The following GALNT16 variants were observed in gnomAD, a reference collection of about 807,000 sequenced individuals.
The protein encoded by GALNT16 is UDP-GalNAc:polypeptide N-acetylgalactosaminyltransferase-like protein 1.
A neutral mutation model predicts 76.1 loss-of-function variants in GALNT16; 40 were observed. The ratio of observed to expected loss-of-function variants is 0.53; its 90% CI spans 0.41 to 0.68. The LOEUF is 0.68. GALNT16 is among the 30% of genes least tolerant of loss of function. The pLI, the probability that GALNT16 is intolerant of heterozygous loss-of-function variation, is 0.00. For synonymous variants in GALNT16, 276 were observed against 285.2 expected (o/e 0.97, Z 0.32); for missense variants, 621 against 731.9 (o/e 0.85, Z 1.75).
intron 1 of GALNT16, among the ~76,000 whole-genome samples, chr14:69,288,692 C>T (rs1015270324): frequency 1.3e-5 from 2 of 152,172 alleles, no homozygotes; most frequent in African/African-American, 2.4e-5. Context: ...ATCAGAACTT[C>T]CAGTCGGTTT....
chr14:69,263,255 A>C (rs527705535), intron 1 of GALNT16, among the ~76,000 whole-genome samples: 3 of 152,268 alleles, frequency 2.0e-5, no homozygotes, highest in South Asian at 2.1e-4. Flanking sequence ...TCTCCTTAAT[A>C]TTTTATTATC....
chr14:69,326,766 A>G (rs933293467), intron 5 of GALNT16, among the ~76,000 whole-genome samples: 1 of 152,212 alleles, frequency 6.6e-6, no homozygotes, highest in African/African-American at 2.4e-5. Context: ...CCGGTTTGCT[A>G]CTTTCAGTCC....
intron 1 of GALNT16, among the ~76,000 whole-genome samples, chr14:69,271,097 G>C (rs981120207): frequency 6.6e-6 from 1 of 151,886 alleles, no homozygotes; most frequent in Non-Finnish European, 1.5e-5. Flanking sequence ...GCCTTGCGGG[G>C]GCATGAACAT....
chr14:69,384,832 T>C, the GALNT16 span, among the ~76,000 whole-genome samples: 1 of 152,186 alleles, frequency 6.6e-6, no homozygotes, highest in Non-Finnish European at 1.5e-5. Flanking sequence ...ATATACACAT[T>C]ATTGGTAATT....
intron 1 of GALNT16, 29 bp downstream of exon 1, chr14:69,260,496 G>A (rs999110787): frequency 5.2e-6 from 7 of 1,340,492 alleles, no homozygotes; most frequent in Middle Eastern, 4.0e-4. Context: ...TCGGCCGGCC[G>A]GCTAGGGAGC....
At chr14:69,355,914 C>T (rs973720988), downstream of GALNT16, 4 of 152,240 alleles carry the variant, frequency 2.6e-5, no homozygotes, top group African/African-American at 9.6e-5. Flanking sequence ...GTTCCAGCAC[C>T]CCAAGGCCTG....
chr14:69,267,951 G>C (rs1470570952), intron 1 of GALNT16, among the ~76,000 whole-genome samples: 2 of 152,214 alleles, frequency 1.3e-5, no homozygotes, highest in Non-Finnish European at 2.9e-5. Flanking sequence ...AATAAGACCA[G>C]AGGGTGAGGT....
At chr14:69,267,836 G>T (rs1305702125) in intron 1 of GALNT16, among the ~76,000 whole-genome samples, 2 of 152,096 alleles carry the variant, frequency 1.3e-5, no homozygotes, top group African/African-American at 4.8e-5. Context: ...GGATCTCGGC[G>T]GTCCCTATCA....
At chr14:69,260,563 T>TG (rs1262109043) in intron 1 of GALNT16, 96 bp downstream of exon 1, 2 of 854,986 alleles carry the variant, frequency 2.3e-6, no homozygotes, top group Non-Finnish European at 3.1e-6. Flanking sequence ...CGGCCAGGGC[T>TG]GAGTGCCCGC....
chr14:69,271,584 G>A (rs939902409), intron 1 of GALNT16, among the ~76,000 whole-genome samples: 2 of 152,202 alleles, frequency 1.3e-5, no homozygotes, highest in Non-Finnish European at 2.9e-5. Context: ...AGTGGTTGCC[G>A]GCCACAGGTG....
At chr14:69,317,278 C>G (rs1470673517) in intron 1 of GALNT16, among the ~76,000 whole-genome samples, 1 of 152,218 alleles carries the variant, frequency 6.6e-6, no homozygotes, top group African/African-American at 2.4e-5. Context: ...CACAGTTCCC[C>G]TTTAGAAGAG....
chr14:69,282,358 C>G (rs2044555268), intron 1 of GALNT16, among the ~76,000 whole-genome samples: 1 of 152,162 alleles, frequency 6.6e-6, no homozygotes, highest in South Asian at 2.1e-4. Flanking sequence ...TTCTTTCCAA[C>G]AGGACCTCAA....
chr14:69,296,575 C>T (rs1446191413), intron 1 of GALNT16, among the ~76,000 whole-genome samples: 2 of 152,052 alleles, frequency 1.3e-5, no homozygotes, highest in African/African-American at 2.4e-5. Flanking sequence ...CACCTGTAGT[C>T]CCAGCTACTC....
chr14:69,324,199 A>G (rs953327965), intron 2 of GALNT16, among the ~76,000 whole-genome samples: 1 of 152,070 alleles, frequency 6.6e-6, no homozygotes, highest in African/African-American at 2.4e-5. Flanking sequence ...GGGCAGTGAC[A>G]GGGAGGAATT....
intron 1 of GALNT16, among the ~76,000 whole-genome samples, chr14:69,272,344 C>T (rs1214358216): frequency 6.6e-6 from 1 of 152,058 alleles, no homozygotes; most frequent in Non-Finnish European, 1.5e-5. Context: ...GCCTGGGTGA[C>T]AGAGCAAGAC....
chr14:69,317,982 T>C (rs999982426), intron 1 of GALNT16, among the ~76,000 whole-genome samples: 5 of 152,166 alleles, frequency 3.3e-5, no homozygotes, highest in African/African-American at 1.2e-4. Flanking sequence ...GTGAAAGCCC[T>C]TCAGAGGTCA....
chr14:69,368,394 T>G, the GALNT16 span, among the ~76,000 whole-genome samples: 1 of 152,082 alleles, frequency 6.6e-6, no homozygotes, highest in Non-Finnish European at 1.5e-5. Flanking sequence ...AGGGCTGCAG[T>G]CATCTCAAGG....
chr14:69,268,195 C>A (rs2044364038), intron 1 of GALNT16, among the ~76,000 whole-genome samples: 1 of 152,128 alleles, frequency 6.6e-6, no homozygotes, highest in Admixed American at 6.6e-5. Context: ...CCTCAACAAT[C>A]TAGGAAGACC....
At chr14:69,286,680 A>G (rs909420300) in intron 1 of GALNT16, among the ~76,000 whole-genome samples, 2 of 152,182 alleles carry the variant, frequency 1.3e-5, no homozygotes, top group East Asian at 3.9e-4. Context: ...TTTAAGTGAA[A>G]TATACTGAGG....
Sources: gnomAD v4.1 joint callset for allele counts (sites outside exome capture counted in the v4.1 genomes callset) on GRCh38, gnomAD v4.1.1 for gene constraint, MANE v1.5 for transcripts, NCBI Gene and HGNC (gene_info 2026-07-23, HGNC 2026-07-21) for gene names.